SLC12A7: variants seen among roughly 807,000 people sequenced by gnomAD.
SLC12A7 encodes solute carrier family 12 member 7.
SLC12A7 carries 100 observed loss-of-function variants against 120.6 expected under a neutral mutation model. The observed-to-expected ratio is 0.83, with a 90% CI of 0.71 to 0.98. The LOEUF (loss-of-function observed/expected upper bound fraction) is 0.98, where lower values mean the gene tolerates loss of function less well. Ranked by LOEUF, SLC12A7 falls within the 50% of genes least tolerant of loss-of-function variation. The pLI, the probability that SLC12A7 is intolerant of heterozygous loss-of-function variation, is 0.00. For missense variants in SLC12A7, 1,373 were observed against 1,548.1 expected (o/e 0.89, Z 1.90); for synonymous variants, 760 against 678.0 (o/e 1.12, Z -1.88).
intron 1 of SLC12A7, among the ~76,000 whole-genome samples, chr5:1,096,388 A>G (rs1262453196): frequency 6.6e-6 from 1 of 152,128 alleles, no homozygotes; most frequent in East Asian, 1.9e-4. Flanking sequence ...CTAAAATTAC[A>G]TGGAAATCAG....
chr5:1,143,018 G>T, the SLC12A7 span, among the ~76,000 whole-genome samples: 1 of 151,708 alleles, frequency 6.6e-6, no homozygotes, highest in African/African-American at 2.4e-5. Flanking sequence ...GCCAAAGAAG[G>T]CTTGTTCCCG....
chr5:1,055,219 TACAA>T (rs767970391), intron 22 of SLC12A7, among the ~76,000 whole-genome samples: 25 of 152,178 alleles, frequency 1.6e-4, no homozygotes, highest in African/African-American at 5.1e-4. Flanking sequence ...CACTATCATG[TACAA>T]ACAGGCATGC....
chr5:1,078,762 C>G lies in SLC12A7; in HGVS notation c.1397-4G>C. The stretch of plus-strand genomic sequence containing the variant: ...AACAGCACAATGCAGGAGAGATCCA[C>G]AGCCCTCGTCAAGGAAAGGCAGGTC... On this transcript the variant is annotated splice_region_variant and splice_polypyrimidine_tract_variant and intron_variant, in intron 10 of 23. Transcript: ENST00000264930. The G allele has an allele frequency of 1.2e-6, 2 of 1,610,428 alleles. No individual in the cohort carries two copies. Among genetic ancestry groups the G allele is most frequent in the Non-Finnish European group, 1.7e-6 (2 of 1,179,104 alleles).
In SLC12A7 at chr5:1,077,274, G is replaced by A. The variant is rs114370799; in HGVS notation, c.1630-462C>T. Among the ~76,000 whole-genome samples the A allele has an allele frequency of 5.6e-3, 855 of 152,326 alleles. 14 individuals are homozygous for A. The highest frequency in any genetic ancestry group is 0.019 in the African/African-American group (806 of 41,576). On this transcript the variant is annotated intron_variant, in intron 12 of 23. Coordinates refer to ENST00000264930, the MANE Select transcript of SLC12A7 (RefSeq NM_006598.3). ...CAACCACACAAAGGCCCTGCGGGTC[G>A]GCACCCTGCCGAGGGACCAGCGACG...
At chr5:1,056,616 AAG>A in intron 22 of SLC12A7, 1 of 983,824 alleles carries the variant, frequency 1.0e-6, no homozygotes, top group African/African-American at 1.7e-5. Flanking sequence ...AGAAAAAAAC[AAG>A]AGTGTGTTAC....
At position 1,084,483 on chromosome 5, in the gene SLC12A7, G is replaced by A. The variant is rs550251698; in HGVS notation, c.918-527C>T. ...AGCCACCCTCGTGCCACGTGCCAAC[G>A]GCCAAGAGCACAGGAGTGCCGCCCC... is the stretch of plus-strand genomic sequence containing the variant. On this transcript the variant is annotated intron_variant, in intron 7 of 23. Transcript: ENST00000264930. Among the ~76,000 whole-genome samples, 31 of 152,274 alleles carry A rather than the reference G, an allele frequency of 2.0e-4. 1 individual carries two copies. Among genetic ancestry groups the A allele is most frequent in the Non-Finnish European group, 4.0e-4 (27 of 68,004 alleles).
the SLC12A7 span, among the ~76,000 whole-genome samples, chr5:1,133,466 G>A: frequency 3.9e-5 from 6 of 152,302 alleles, no homozygotes; most frequent in Non-Finnish European, 8.8e-5. Context: ...TGAGGTGGGG[G>A]CAGAGCCATG....
the SLC12A7 span, among the ~76,000 whole-genome samples, chr5:1,122,183 C>T: frequency 5.3e-5 from 8 of 152,328 alleles, no homozygotes; most frequent in South Asian, 1.2e-3. Flanking sequence ...GGAACTTTCC[C>T]TGCCCCCACC....
chr5:1,054,267 T>G (rs1254528835), intron 22 of SLC12A7, among the ~76,000 whole-genome samples: 3 of 152,226 alleles, frequency 2.0e-5, no homozygotes, highest in Non-Finnish European at 4.4e-5. Flanking sequence ...CCCTGTCTGC[T>G]CTCTGAAGCT....
At position 1,052,577 on chromosome 5, in the gene SLC12A7, G is replaced by A. The variant is rs1222795085; in HGVS notation, c.3161-126C>T. 3.9e-6 allele frequency: 3 copies of A among 774,854 alleles called. No individual in the cohort carries two copies. In the Admixed American group the frequency reaches 6.7e-5, roughly 17 times the overall value. The allele number at this position is 774,854 out of a possible 1,614,324, so 48.0% of individuals were successfully genotyped here. On this transcript the variant is annotated intron_variant, in intron 23 of 23. Coordinates refer to ENST00000264930, the MANE Select transcript of SLC12A7 (RefSeq NM_006598.3). Reference sequence around the variant, plus strand: ...TTGGTTTGAGAAACCCAGAGCCAAGGTGAAAAGAGAGGTGGGGATTAGAGA... The same window carrying A: ...TTGGTTTGAGAAACCCAGAGCCAAGATGAAAAGAGAGGTGGGGATTAGAGA...
rs1247496783 is a variant in SLC12A7 at position 1,093,805 on chromosome 5, T to G, written c.220-150A>C. 1.1e-5 allele frequency: 14 copies of G among 1,246,466 alleles called. No homozygotes were observed. In the East Asian group the frequency reaches 3.3e-4, roughly 29 times the overall value. The allele number at this position is 1,246,466 out of a possible 1,614,324, so 77.2% of individuals were successfully genotyped here. A position where few individuals can be genotyped will look rare whatever the true frequency, so the allele number is the denominator to read the frequency against. The stretch of plus-strand genomic sequence containing the variant: ...AGCCAGAGAGGCCTGGACACCTGTG[T>G]GGCAGGTCTGAGTCCGAGGCCAGGG... On this transcript the variant is annotated intron_variant, in intron 2 of 23. Coordinates refer to ENST00000264930, the MANE Select transcript of SLC12A7 (RefSeq NM_006598.3).
chr5:1,078,008 C>A lies in SLC12A7; in HGVS notation c.1455-1G>T, dbSNP rs1738566577. On this transcript the variant is annotated splice_acceptor_variant, in intron 11 of 23. Coordinates refer to ENST00000264930, the MANE Select transcript of SLC12A7 (RefSeq NM_006598.3). LOFTEE classifies it high-confidence loss of function. ...GTTCCCCTGCAGGGCCTCCCCGAAC[C>A]TGCAGGCAGGCGGGCAGGCGGGCGG... 1.3e-6 allele frequency: 2 copies of A among 1,558,440 alleles called. No individual in the cohort carries two copies. Among genetic ancestry groups the A allele is most frequent in the Non-Finnish European group, 1.7e-6 (2 of 1,152,936 alleles).
At chr5:1,108,714 C>T (rs377715320) in intron 1 of SLC12A7, among the ~76,000 whole-genome samples, 34 of 152,366 alleles carry the variant, frequency 2.2e-4, no homozygotes, top group African/African-American at 7.9e-4. Flanking sequence ...TCTCGCCATT[C>T]CCAAGGGCAG....
chr5:1,060,658 C>T (rs965960632), intron 20 of SLC12A7, among the ~76,000 whole-genome samples: 10 of 152,190 alleles, frequency 6.6e-5, no homozygotes, highest in African/African-American at 1.9e-4. Flanking sequence ...GCCGCACACA[C>T]GCTCTGCTCA....
intron 8 of SLC12A7, among the ~76,000 whole-genome samples, chr5:1,082,273 G>A (rs1739246572): frequency 6.7e-6 from 1 of 150,104 alleles, no homozygotes; most frequent in Non-Finnish European, 1.5e-5. Flanking sequence ...GGAAAGTCCG[G>A]GCTTCCCCGT....
At chr5:1,127,900 A>T in the SLC12A7 span, among the ~76,000 whole-genome samples, 8 of 152,230 alleles carry the variant, frequency 5.3e-5, no homozygotes, top group African/African-American at 1.2e-4. Flanking sequence ...AGCACTTGTC[A>T]TCAAGGAAGG....
intron 1 of SLC12A7, among the ~76,000 whole-genome samples, chr5:1,102,587 G>C (rs1027831550): frequency 6.6e-6 from 1 of 152,206 alleles, no homozygotes; most frequent in African/African-American, 2.4e-5. Flanking sequence ...CAGCGTGGGT[G>C]GTCCGTCCAG....
At chr5:1,089,686 G>A (rs1211275830) in intron 3 of SLC12A7, among the ~76,000 whole-genome samples, 1 of 152,188 alleles carries the variant, frequency 6.6e-6, no homozygotes, top group Non-Finnish European at 1.5e-5. Context: ...AGATATCCAC[G>A]TGGGGGCCAC....
chr5:1,139,074 G>A, the SLC12A7 span, among the ~76,000 whole-genome samples: 1 of 152,180 alleles, frequency 6.6e-6, no homozygotes, highest in Non-Finnish European at 1.5e-5. Context: ...GGGTGGGGGG[G>A]GGGCTCTGGG....
Sources: allele counts gnomAD v4.1 joint callset (sites outside exome capture counted in the v4.1 genomes callset), GRCh38; gene constraint gnomAD v4.1.1; transcripts MANE v1.5; gene names NCBI Gene and HGNC (gene_info 2026-07-23, HGNC 2026-07-21).